Variants in KIAA1217 observed in about 807,000 individuals in gnomAD.
The protein encoded by KIAA1217 is sickle tail protein homolog.
Under a neutral mutation model 163.9 loss-of-function variants are expected in KIAA1217, and 88 were observed. The ratio of observed to expected loss-of-function variants is 0.54; its 90% CI spans 0.45 to 0.64. The LOEUF (loss-of-function observed/expected upper bound fraction) is 0.64, where lower values mean the gene tolerates loss of function less well. Among genes scored for constraint, KIAA1217 ranks in the 30% least tolerant of loss-of-function variants. The probability of loss-of-function intolerance (pLI) is 0.00; values close to 1 mark genes in which losing one functional copy is unlikely to be tolerated. For synonymous variants in KIAA1217, 903 were observed against 923.1 expected, an observed-to-expected ratio of 0.98 and a Z score of 0.39; for missense variants, 2,372 against 2,475.0, an observed-to-expected ratio of 0.96 and a Z score of 0.88.
chr10:23,968,810 T>G (rs1845178854), intron 1 of KIAA1217, among the ~76,000 whole-genome samples: 1 of 152,214 alleles, frequency 6.6e-6, no homozygotes, highest in African/African-American at 2.4e-5. Context: ...AATACTTAAT[T>G]CCTTTTTATT....
chr10:23,892,897 T>A (rs1463273888), intron 1 of KIAA1217, among the ~76,000 whole-genome samples: 2 of 151,882 alleles, frequency 1.3e-5, no homozygotes, highest in Non-Finnish European at 2.9e-5. Context: ...CCTGGCTGCC[T>A]TATGGTGCGG....
intron 6 of KIAA1217, among the ~76,000 whole-genome samples, chr10:24,486,686 C>G (rs1427026137): frequency 6.6e-6 from 1 of 152,198 alleles, no homozygotes; most frequent in Non-Finnish European, 1.5e-5. Flanking sequence ...ATGGCCTGCT[C>G]TCTCACTTCC....
chr10:24,257,108 C>T (rs2075245979), intron 2 of KIAA1217, among the ~76,000 whole-genome samples: 1 of 152,144 alleles, frequency 6.6e-6, no homozygotes, highest in Non-Finnish European at 1.5e-5. Context: ...GGCCATGGTA[C>T]TGGTGGCCTA....
chr10:23,897,372 A>C lies in KIAA1217; in HGVS notation c.-320-109853A>C, dbSNP rs529327633. Among the ~76,000 whole-genome samples, 8 of 152,132 alleles carry C rather than the reference A, an allele frequency of 5.3e-5. No homozygotes were observed. The South Asian group carries it at 1.7e-3, about 32-fold the overall frequency. On this transcript the variant is annotated intron_variant, in intron 1 of 18. Coordinates refer to the KIAA1217 transcript ENST00000376462. ...TGTCTCAATGCCACCTCTTGGTTTGACTTTTCCCTTTGCATGTCCTTTGCC... is the reference window on the plus strand; with the variant it reads ...TGTCTCAATGCCACCTCTTGGTTTGCCTTTTCCCTTTGCATGTCCTTTGCC...
Position 24,539,012 on chromosome 10 carries a change from G to A in KIAA1217, c.3534+2119G>A, listed in dbSNP as rs191758518. 4.9e-3 allele frequency among the ~76,000 whole-genome samples: 748 copies of A among 152,120 alleles called. 2 individuals are homozygous for A. Among genetic ancestry groups the A allele is most frequent in the Middle Eastern group, 0.014 (4 of 294 alleles). On this transcript the variant is annotated intron_variant, in intron 17 of 20. Transcript: ENST00000376454. ...CTCTCAAAATGCTGGGATTACAGGC[G>A]TGAGCCACCGCACCCAGCCGGAAAT...
chr10:24,157,127 C>T (rs941996218), intron 2 of KIAA1217, among the ~76,000 whole-genome samples: 22 of 152,190 alleles, frequency 1.4e-4, no homozygotes, highest in East Asian at 1.9e-4. Context: ...ACATTCTTAG[C>T]GATAGCATAT....
At chr10:24,371,724 A>G (rs1326945320) in intron 2 of KIAA1217, among the ~76,000 whole-genome samples, 1 of 150,526 alleles carries the variant, frequency 6.6e-6, no homozygotes, top group African/African-American at 2.5e-5. Context: ...CCAATCATAC[A>G]GAATACACAA....
chr10:23,851,565 C>A lies in KIAA1217; in HGVS notation c.-320-155660C>A, dbSNP rs1416648400. On this transcript the variant is annotated intron_variant, in intron 1 of 18. Transcript: ENST00000376462. ...GCTGGGTCAAATGGTATTTCTAGTT[C>A]TAGATCCCTGAGGAATCGCCACACT... Among the ~76,000 whole-genome samples the A allele has an allele frequency of 2.0e-5, 3 of 152,126 alleles. No individual in the cohort carries two copies. The East Asian group carries it at 5.8e-4, about 29-fold the overall frequency.
At chr10:23,787,674 C>A (rs897949760) in intron 1 of KIAA1217, among the ~76,000 whole-genome samples, 2 of 152,132 alleles carry the variant, frequency 1.3e-5, no homozygotes, top group East Asian at 3.9e-4. Flanking sequence ...AAATCCGCCA[C>A]AATGCTCAAA....
At chr10:24,316,191 G>A (rs1161640752) in intron 2 of KIAA1217, among the ~76,000 whole-genome samples, 2 of 152,106 alleles carry the variant, frequency 1.3e-5, no homozygotes, top group Non-Finnish European at 2.9e-5. Flanking sequence ...TCTACAATCC[G>A]AGCTGTTCAT....
intron 1 of KIAA1217, among the ~76,000 whole-genome samples, chr10:23,790,774 C>T (rs192024805): frequency 2.0e-5 from 3 of 151,402 alleles, no homozygotes; most frequent in East Asian, 3.9e-4. Flanking sequence ...CCCTCTGTCA[C>T]CCAGGCTGGA....
rs112796221 is a variant in KIAA1217, at chr10:24,420,167, A to G, written c.554-12828A>G. Among the ~76,000 whole-genome samples, 333 of 152,340 alleles carry G rather than the reference A, an allele frequency of 2.2e-3. 3 individuals carry two copies. Among genetic ancestry groups the G allele is most frequent in the African/African-American group, 7.5e-3 (314 of 41,592 alleles). On this transcript the variant is annotated intron_variant, in intron 3 of 20. Coordinates refer to ENST00000376454, the MANE Select transcript of KIAA1217 (RefSeq NM_019590.5). ...TATGCAAATTTACACTCTCACCAGC[A>G]GTAAATAACAGGCTGTATTTTCCCA... is the stretch of plus-strand genomic sequence containing the variant.
At chr10:23,779,276 A>G (rs1407697506) in intron 1 of KIAA1217, among the ~76,000 whole-genome samples, 2 of 152,182 alleles carry the variant, frequency 1.3e-5, no homozygotes, top group African/African-American at 4.8e-5. Flanking sequence ...TGGTTTTTAA[A>G]TTCTTATGAC....
chr10:23,893,077 T>G (rs1242316413), intron 1 of KIAA1217, among the ~76,000 whole-genome samples: 1 of 152,032 alleles, frequency 6.6e-6, no homozygotes, highest in Non-Finnish European at 1.5e-5. Flanking sequence ...TACCAGTTCC[T>G]CCTTGTACCT....
At chr10:24,365,754 T>C (rs1175648479) in intron 2 of KIAA1217, among the ~76,000 whole-genome samples, 1 of 152,242 alleles carries the variant, frequency 6.6e-6, no homozygotes, top group Non-Finnish European at 1.5e-5. Flanking sequence ...AATATTTTAG[T>C]ACAGTTTTTG....
intron 1 of KIAA1217, among the ~76,000 whole-genome samples, chr10:23,815,020 A>G (rs938311048): frequency 1.3e-5 from 2 of 152,222 alleles, no homozygotes; most frequent in Admixed American, 6.5e-5. Context: ...AAGTGAAAAT[A>G]TGAAGATTCT....
In KIAA1217 at chr10:24,041,170, T is replaced by C. The variant is rs534769711; in HGVS notation, c.-171+33796T>C. On this transcript the variant is annotated intron_variant, in intron 2 of 18. Transcript: ENST00000376462. ...CATCTTCCCAGAACCTTTTTATAGT[T>C]CATAGAGAGTTTGTATAGACTCTCC... 2.0e-5 allele frequency among the ~76,000 whole-genome samples: 3 copies of C among 152,288 alleles called. No individual in the cohort carries two copies. In the East Asian group the frequency reaches 5.8e-4, roughly 29 times the overall value.
intron 2 of KIAA1217, among the ~76,000 whole-genome samples, chr10:24,057,965 A>C (rs1173853464): frequency 6.6e-6 from 1 of 152,186 alleles, no homozygotes; most frequent in African/African-American, 2.4e-5. Flanking sequence ...CATTTCCATT[A>C]AATCATTGCT....
At position 23,946,001 on chromosome 10, in the gene KIAA1217, GTTCC is replaced by G. The variant is rs1844022840; in HGVS notation, c.-320-61223_-320-61220del. Among the ~76,000 whole-genome samples the G allele has an allele frequency of 3.3e-5, 5 of 152,196 alleles. No homozygotes were observed. In the South Asian group the frequency reaches 1.0e-3, roughly 32 times the overall value. On this transcript the variant is annotated intron_variant, in intron 1 of 18. Transcript: ENST00000376462. ...AGAGCTTACTCTAGTGGTTACTTAA[GTTCC>G]ATGTCAATAGTATTAGGCTGGTGAA...
Sources: gnomAD v4.1 joint callset for allele counts (sites outside exome capture counted in the v4.1 genomes callset) on GRCh38, gnomAD v4.1.1 for gene constraint, MANE v1.5 for transcripts, NCBI Gene and HGNC (gene_info 2026-07-23, HGNC 2026-07-21) for gene names.